The following INTS6 variants were observed in gnomAD, a reference collection of about 807,000 sequenced individuals.
The protein encoded by INTS6 is integrator complex subunit 6.
INTS6 carries 16 observed loss-of-function variants against 104.9 expected under a neutral mutation model. That is an observed-to-expected ratio of 0.15 (90% CI 0.10 to 0.23). INTS6 has a LOEUF of 0.23. Ranked by LOEUF, INTS6 falls within the 10% of genes least tolerant of loss-of-function variation. The probability of loss-of-function intolerance (pLI) is 1.00; values close to 1 mark genes in which losing one functional copy is unlikely to be tolerated. For missense variants in INTS6, 584 were observed against 1,062.8 expected, an observed-to-expected ratio of 0.55 and a Z score of 6.26; for synonymous variants, 324 against 358.7, an observed-to-expected ratio of 0.90 and a Z score of 1.09.
chr13:51,384,950 T>G, intron 7 of INTS6: 2 of 254,818 alleles, frequency 7.8e-6, no homozygotes, highest in Non-Finnish European at 1.6e-5. Flanking sequence ...CAGTGAAATA[T>G]AAATAGGATC....
At chr13:51,421,258 C>A in intron 4 of INTS6, 9 of 985,734 alleles carry the variant, frequency 9.1e-6, no homozygotes, top group Non-Finnish European at 1.1e-5. Context: ...AATCATGACC[C>A]TCCCTGAGGC....
chr13:51,390,871 T>C (rs765778990), intron 5 of INTS6, among the ~76,000 whole-genome samples: 2 of 152,074 alleles, frequency 1.3e-5, no homozygotes, highest in African/African-American at 2.4e-5. Flanking sequence ...TATTAATTTC[T>C]TTAATCTCAG....
chr13:51,424,087 A>G (rs958558625), intron 4 of INTS6, among the ~76,000 whole-genome samples: 9 of 152,234 alleles, frequency 5.9e-5, no homozygotes, highest in Admixed American at 3.3e-4. Flanking sequence ...CTTTATATAT[A>G]TAAGAGCTAG....
intron 9 of INTS6, among the ~76,000 whole-genome samples, chr13:51,382,799 G>A (rs1032796619): frequency 2.0e-4 from 30 of 152,298 alleles, no homozygotes; most frequent in African/African-American, 5.8e-4. Context: ...ATCTTTGGCC[G>A]GGCACAGTGG....
chr13:51,384,938 G>C (rs111323474), intron 7 of INTS6: 4,393 of 274,430 alleles, frequency 0.016, 75 homozygotes, highest in East Asian at 0.074. Context: ...ATCAATCCAT[G>C]GCAGTGAAAT....
downstream of INTS6, among the ~76,000 whole-genome samples, chr13:51,358,881 T>C (rs371811256): frequency 1.8e-4 from 28 of 152,190 alleles, no homozygotes; most frequent in South Asian, 1.2e-3. Context: ...CCAAAGTATG[T>C]TCCCAAAATG....
chr13:51,391,316 G>A (rs11148217), intron 5 of INTS6, among the ~76,000 whole-genome samples: 5,213 of 152,098 alleles, frequency 0.034, 103 homozygotes, highest in South Asian at 0.059. Context: ...GCTCTCCTAA[G>A]TTGTGTCATC....
At chr13:51,446,910 TAG>T (rs969586661) in intron 3 of INTS6, 1 of 152,156 alleles carries the variant, frequency 6.6e-6, no homozygotes, top group Non-Finnish European at 1.5e-5. Flanking sequence ...TTACTTGATA[TAG>T]AGTTTCAATT....
At chr13:51,446,002 G>C (rs1297503157) in intron 3 of INTS6, 2 of 152,198 alleles carry the variant, frequency 1.3e-5, no homozygotes, top group Non-Finnish European at 2.9e-5. Context: ...AAAAGCTTCA[G>C]TGACATTGGA....
At position 51,369,238 on chromosome 13, in the gene INTS6, T is replaced by C. The variant is rs1955755649; in HGVS notation, c.2177A>G (p.Asp726Gly). ...CGTATCCATAGCATTTGGTGTAATG[T>C]CTGATGAAAGTTGGTCTGCAACATG... ...ENHVADQLSS[D>G]ITPNAMDTEF... The change falls in exon 16 of 18, where the codon GAC (aspartate) becomes GGC (glycine). Residue 726 changes from aspartate (D) to glycine (G), a missense_variant. By Grantham distance (94) the Asp-to-Gly change is moderately conservative (BLOSUM62 -1). This residue lies in a region of INTS6 where 296 missense variants were observed against 437.0 expected (regional missense o/e 0.68). Coordinates refer to ENST00000311234, the MANE Select transcript of INTS6 (RefSeq NM_012141.3). 1 of 1,613,632 alleles carries C rather than the reference T, an allele frequency of 6.2e-7. No individual in the cohort carries two copies.
intron 4 of INTS6, among the ~76,000 whole-genome samples, chr13:51,429,785 A>AAAAATAT (rs1156333077): frequency 2.5e-4 from 23 of 92,374 alleles, no homozygotes; most frequent in African/African-American, 7.8e-4. Flanking sequence ...AAAAAAAAAA[A>AAAAATAT]ATATATATAT....
chr13:51,374,137 T>C, intron 15 of INTS6, 71 bp downstream of exon 15: 3 of 1,240,932 alleles, frequency 2.4e-6, no homozygotes, highest in Middle Eastern at 1.9e-4. Flanking sequence ...CTATAATCTA[T>C]AACAAAAATA....
At chr13:51,433,307 T>C (rs1957131325) in intron 3 of INTS6, among the ~76,000 whole-genome samples, 3 of 152,048 alleles carry the variant, frequency 2.0e-5, no homozygotes, top group African/African-American at 7.2e-5. Context: ...ATTAGCCAAG[T>C]GTGGTGGCAC....
chr13:51,374,450 AAAG>A lies in INTS6; in HGVS notation c.1873-14_1873-12del. On this transcript the variant is annotated splice_polypyrimidine_tract_variant and intron_variant, in intron 14 of 17. Transcript: ENST00000311234. The stretch of plus-strand genomic sequence containing the variant: ...ATCTATCATCATACCCTTTAGCAAA[AAAG>A]AATACAACTTTCTTGAATTTACAAA... 1 of 1,609,906 alleles carries A rather than the reference AAAG, an allele frequency of 6.2e-7. No homozygotes were observed. Among genetic ancestry groups the A allele is most frequent in the Non-Finnish European group, 8.5e-7 (1 of 1,176,534 alleles).
At chr13:51,432,514 T>C (rs1206374968) in intron 3 of INTS6, among the ~76,000 whole-genome samples, 1 of 152,082 alleles carries the variant, frequency 6.6e-6, no homozygotes, top group Admixed American at 6.6e-5. Context: ...TTGAACATGT[T>C]GAAGGCAAAG....
chr13:51,450,900 T>C, intron 3 of INTS6, 125 bp downstream of exon 3: 1 of 1,336,402 alleles, frequency 7.5e-7, no homozygotes, highest in Non-Finnish European at 9.6e-7. Flanking sequence ...TTGAACAATG[T>C]GCATATTCTA....
At chr13:51,375,780 C>T (rs1020170257) in intron 13 of INTS6, among the ~76,000 whole-genome samples, 3 of 151,656 alleles carry the variant, frequency 2.0e-5, no homozygotes, top group Non-Finnish European at 2.9e-5. Flanking sequence ...CGCGCGTGCG[C>T]GCATGAATGC....
At chr13:51,366,198 A>G (rs1342397114) in intron 17 of INTS6, among the ~76,000 whole-genome samples, 1 of 152,028 alleles carries the variant, frequency 6.6e-6, no homozygotes, top group African/African-American at 2.4e-5. Flanking sequence ...CTCCCCAAGC[A>G]AATACTTCAA....
Position 51,395,334 on chromosome 13 carries a change from G to A in INTS6, c.579C>T (p.Asp193=), listed in dbSNP as rs1956315703. 6.2e-7 allele frequency: 1 copy of A among 1,611,288 alleles called. No homozygotes were observed. The highest frequency in any genetic ancestry group is 1.3e-5 in the African/African-American group (1 of 74,752). Residue 193 remains aspartate (D), a synonymous_variant, in exon 5 of 18, where the codon GAC becomes GAT. Coordinates refer to ENST00000311234, the MANE Select transcript of INTS6 (RefSeq NM_012141.3). ...SEQLTGVPLD[D]SAITPMCEVT... ...CTTCACACATTGGTGTGATTGCAGA[G>A]TCATCTAAAGGCACACCTGTCAACT...
Sources: gnomAD v4.1 joint callset for allele counts (sites outside exome capture counted in the v4.1 genomes callset) on GRCh38, gnomAD v4.1.1 for gene constraint, gnomAD v4.1.1 regional missense constraint, MANE v1.5 for transcripts, NCBI Gene and HGNC (gene_info 2026-07-23, HGNC 2026-07-21) for gene names.